Variants in MAD1L1 observed in about 807,000 individuals in gnomAD.
MAD1L1 encodes mitotic spindle assembly checkpoint protein MAD1.
Under a neutral mutation model 96.9 loss-of-function variants are expected in MAD1L1, and 95 were observed. That is an observed-to-expected ratio of 0.98 (90% CI 0.83 to 1.16). The LOEUF is 1.16. MAD1L1 is among the 50% of genes most tolerant of loss of function. The pLI is 0.00. For missense variants in MAD1L1, 1,007 were observed against 954.4 expected (o/e 1.06, Z -0.73); for synonymous variants, 473 against 396.6 (o/e 1.19, Z -2.29).
intron 18 of MAD1L1, among the ~76,000 whole-genome samples, chr7:1,853,088 CGGGAGAGCCA>C (rs764967277): frequency 2.5e-4 from 38 of 152,134 alleles, no homozygotes; most frequent in Non-Finnish European, 2.9e-4. Context: ...GACTGGAGCC[CGGGAGAGCCA>C]GGGAGAGCCC....
intron 10 of MAD1L1, among the ~76,000 whole-genome samples, chr7:2,170,204 C>T (rs1790646139): frequency 6.6e-6 from 1 of 152,128 alleles, no homozygotes; most frequent in South Asian, 2.1e-4. Flanking sequence ...CAGAGAGAGC[C>T]CCTGAGGAAA....
At chr7:2,138,835 C>A (rs1788883863) in intron 11 of MAD1L1, among the ~76,000 whole-genome samples, 1 of 152,148 alleles carries the variant, frequency 6.6e-6, no homozygotes, top group African/African-American at 2.4e-5. Context: ...GACCACAGAC[C>A]CCACTCCTGC....
At chr7:2,139,123 G>A (rs997169259) in intron 11 of MAD1L1, among the ~76,000 whole-genome samples, 6 of 152,082 alleles carry the variant, frequency 3.9e-5, no homozygotes, top group African/African-American at 1.4e-4. Context: ...ACCCTCCTGT[G>A]TGGCCAGCCC....
chr7:2,111,142 C>G (rs1015704116), intron 11 of MAD1L1, among the ~76,000 whole-genome samples: 4 of 152,244 alleles, frequency 2.6e-5, no homozygotes, highest in African/African-American at 4.8e-5. Flanking sequence ...AAAGAAGAAA[C>G]AGGGAGAGAG....
intron 10 of MAD1L1, among the ~76,000 whole-genome samples, chr7:2,150,111 C>A (rs1419888072): frequency 6.6e-6 from 1 of 152,198 alleles, no homozygotes; most frequent in Non-Finnish European, 1.5e-5. Flanking sequence ...ACTCAGGGAG[C>A]CCGCACCGCA....
At chr7:2,014,174 AG>A (rs1383693619) in intron 13 of MAD1L1, among the ~76,000 whole-genome samples, 2 of 152,168 alleles carry the variant, frequency 1.3e-5, no homozygotes, top group Non-Finnish European at 2.9e-5. Flanking sequence ...TGCCCCTCAC[AG>A]GGGAAGGACC....
intron 17 of MAD1L1, among the ~76,000 whole-genome samples, chr7:1,899,954 G>A (rs953132380): frequency 1.3e-5 from 2 of 152,220 alleles, no homozygotes; most frequent in African/African-American, 4.8e-5. Context: ...TCCCTGACCT[G>A]TGACTCTGAA....
intron 11 of MAD1L1, among the ~76,000 whole-genome samples, chr7:2,070,828 T>C (rs1290887873): frequency 6.6e-6 from 1 of 152,254 alleles, no homozygotes; most frequent in Non-Finnish European, 1.5e-5. Context: ...CGTTCACACC[T>C]TCCCAGCCAT....
intron 18 of MAD1L1, among the ~76,000 whole-genome samples, chr7:1,864,987 C>T: frequency 6.6e-6 from 1 of 152,188 alleles, no homozygotes; most frequent in Non-Finnish European, 1.5e-5. Context: ...AGTATAGCCA[C>T]ACTGAAGCAC....
At chr7:1,825,976 C>T (rs937727747) in intron 18 of MAD1L1, among the ~76,000 whole-genome samples, 9 of 152,136 alleles carry the variant, frequency 5.9e-5, no homozygotes, top group Non-Finnish European at 8.8e-5. Context: ...GGTTGGAGGT[C>T]GGCGCGGCCC....
rs956493572 is a variant in MAD1L1 at position 2,034,368 on chromosome 7, C to T, written c.1219-19726G>A. On this transcript the variant is annotated intron_variant, in intron 12 of 18. Coordinates refer to ENST00000265854, the MANE Select transcript of MAD1L1 (RefSeq NM_001013836.2). ...AGTAGGTGGGACTACAGGCACACAC[C>T]ACCACGCCCAGCTAATTTTTTGTAT... Among the ~76,000 whole-genome samples, 3 of 152,016 alleles carry T rather than the reference C, an allele frequency of 2.0e-5. No homozygotes were observed. The East Asian group carries it at 5.8e-4, about 29-fold the overall frequency.
Position 2,014,718 on chromosome 7 carries a change from CCCA to C in MAD1L1, c.1219-79_1219-77del, listed in dbSNP as rs1782457888. On this transcript the variant is annotated intron_variant, in intron 12 of 18. Coordinates refer to ENST00000265854, the MANE Select transcript of MAD1L1 (RefSeq NM_001013836.2). ...ATGATGGAGACGGCTCAGGGAAGGC[CCCA>C]CGAGAGCTGGGTCACGCGGGGGCTC... 67 of 1,476,460 alleles carry C rather than the reference CCCA, an allele frequency of 4.5e-5. No homozygotes were observed. The South Asian group carries it at 8.0e-4, about 18-fold the overall frequency. 91.5% of individuals were successfully genotyped at this position (1,476,460 alleles called of 1,614,324 possible).
intron 18 of MAD1L1, among the ~76,000 whole-genome samples, chr7:1,819,638 G>A (rs1203146526): frequency 1.3e-5 from 2 of 152,146 alleles, no homozygotes; most frequent in Non-Finnish European, 2.9e-5. Flanking sequence ...CTTACTAAGC[G>A]CTGGTCCCAC....
Position 2,146,047 on chromosome 7 carries a change from T to A in MAD1L1, c.1073+3105A>T, listed in dbSNP as rs895170894. 6.6e-6 allele frequency among the ~76,000 whole-genome samples: 1 copy of A among 152,204 alleles called. No homozygotes were observed. Among genetic ancestry groups the A allele is most frequent in the Non-Finnish European group, 1.5e-5 (1 of 68,032 alleles). ...CAACACCCAGGAAGTGCATCAAGAC[T>A]GCGTGGTGTAGGCTGCTCACAGCGG... On this transcript the variant is annotated intron_variant, in intron 11 of 18. Transcript: ENST00000265854. This position sits in a 1 kb window ranked among gnomAD's most constrained non-coding sequence, Gnocchi z 6.2.
chr7:2,016,711 A>G (rs1782558401), intron 12 of MAD1L1, among the ~76,000 whole-genome samples: 1 of 152,236 alleles, frequency 6.6e-6, no homozygotes, highest in Non-Finnish European at 1.5e-5. Flanking sequence ...CCAGGGACAC[A>G]GGTGCCACCC....
At chr7:2,042,893 ACG>A (rs1562631766) in intron 12 of MAD1L1, among the ~76,000 whole-genome samples, 257 of 118,604 alleles carry the variant, frequency 2.2e-3, no homozygotes, top group African/African-American at 0.012. Context: ...GTCCACGTCC[ACG>A]TCCACGTCCA....
chr7:1,930,992 C>T (rs570940874), intron 17 of MAD1L1, among the ~76,000 whole-genome samples: 131 of 151,386 alleles, frequency 8.7e-4, no homozygotes, highest in Non-Finnish European at 1.5e-3. Flanking sequence ...AGCCTACCCA[C>T]GGTCACAGGA....
intron 16 of MAD1L1, among the ~76,000 whole-genome samples, chr7:1,941,374 G>C (rs1175331557): frequency 6.6e-6 from 1 of 152,222 alleles, no homozygotes; most frequent in Non-Finnish European, 1.5e-5. Context: ...TTGAGGTCCA[G>C]GAAACAATTC....
At chr7:1,984,563 GT>G (rs1781060355) in intron 14 of MAD1L1, among the ~76,000 whole-genome samples, 1 of 152,200 alleles carries the variant, frequency 6.6e-6, no homozygotes, top group Non-Finnish European at 1.5e-5. Context: ...CAGCGGTGAT[GT>G]GTTATTTGGC....
Sources: allele counts gnomAD v4.1 joint callset (sites outside exome capture counted in the v4.1 genomes callset), GRCh38; gene constraint gnomAD v4.1.1; non-coding constraint Gnocchi (gnomAD v3.1); transcripts MANE v1.5; gene names NCBI Gene and HGNC (gene_info 2026-07-23, HGNC 2026-07-21).